Variants in APBA3 observed in about 807,000 individuals in gnomAD.
APBA3 encodes amyloid-beta A4 precursor protein-binding family A member 3.
APBA3 carries 45 observed loss-of-function variants against 55.9 expected under a neutral mutation model. The ratio of observed to expected loss-of-function variants is 0.80; its 90% CI spans 0.63 to 1.03. The LOEUF (loss-of-function observed/expected upper bound fraction) is 1.03. APBA3 is among the 50% of genes least tolerant of loss of function. The pLI is 0.00. For missense variants in APBA3, 865 were observed against 820.3 expected (o/e 1.05, Z -0.67); for synonymous variants, 370 against 353.3 (o/e 1.05, Z -0.53).
At chr19:3,760,601 T>C (rs983906733) in intron 1 of APBA3, among the ~76,000 whole-genome samples, 1 of 151,906 alleles carries the variant, frequency 6.6e-6, no homozygotes, top group Non-Finnish European at 1.5e-5. Context: ...TACAAAAAAT[T>C]AGCCAGGTGT....
At position 3,759,740 on chromosome 19, in the gene APBA3, C is replaced by T; in HGVS notation, c.525G>A (p.Trp175Ter). The change falls in exon 2 of 11, where the codon TGG (tryptophan) becomes TGA (stop). Residue 175 changes from tryptophan (W) to a stop codon, truncating the protein, a stop_gained. Transcript: ENST00000316757. LOFTEE classifies it high-confidence loss of function. ...GTGTGACTAGAGGCACCGTCTCCAG[C>T]CAGGGTTCCGGGGAACTGCTTGAGC... The part of the protein sequence containing the change: ...SRSSSSSPEP[W>*]LETVPLVTPE... The T allele has an allele frequency of 6.2e-7, 1 of 1,612,688 alleles. No homozygotes were observed. The highest frequency in any genetic ancestry group is 8.5e-7 in the Non-Finnish European group (1 of 1,179,842).
At chr19:3,757,350 TC>T (rs2037089971) in intron 3 of APBA3, among the ~76,000 whole-genome samples, 1 of 152,086 alleles carries the variant, frequency 6.6e-6, no homozygotes, top group South Asian at 2.1e-4. Flanking sequence ...CAAGCGATCC[TC>T]CCACATCAGC....
intron 3 of APBA3, among the ~76,000 whole-genome samples, chr19:3,757,259 G>A (rs1295300790): frequency 3.3e-5 from 5 of 151,864 alleles, no homozygotes; most frequent in Non-Finnish European, 7.4e-5. Flanking sequence ...CCACGTGCCT[G>A]GCTAATTTTG....
At position 3,760,227 on chromosome 19, in the gene APBA3, G is replaced by A; in HGVS notation, c.38C>T (p.Pro13Leu). Residue 13 changes from proline to leucine, a missense_variant, in exon 2 of 11, where the codon CCT becomes CTT. Physicochemically the swap from Pro to Leu is moderately conservative, Grantham distance 98. Transcript: ENST00000316757. The stretch of plus-strand genomic sequence containing the variant: ...GGGCCCCTCCAAGTCCATGGCTGGA[G>A]GCCCCGAAGGGGATCGGGAAATTGT... ...FPTISRSPSG[P>L]PAMDLEGPRD... 1.2e-6 allele frequency: 2 copies of A among 1,608,064 alleles called. No individual in the cohort carries two copies. Among genetic ancestry groups the A allele is most frequent in the Non-Finnish European group, 1.7e-6 (2 of 1,179,284 alleles).
chr19:3,754,436 G>A, intron 3 of APBA3, 96 bp from the exon 4 acceptor site: 1 of 1,463,364 alleles, frequency 6.8e-7, no homozygotes, highest in Middle Eastern at 2.5e-4. Flanking sequence ...GAGACACAGT[G>A]TTCTAGCTGG....
At position 3,759,859 on chromosome 19, in the gene APBA3, G is replaced by C. The variant is rs774002047; in HGVS notation, c.406C>G (p.Pro136Ala). Residue 136 changes from proline to alanine, a missense_variant, in exon 2 of 11, where the codon CCC (proline) becomes GCC (alanine). By Grantham distance (27) the Pro-to-Ala change is conservative. Transcript: ENST00000316757. ...TGPEEPLEPA[P>A]RLLQPPEDPD... ...TCCTCAGGGGGCTGCAACAGTCGGG[G>C]GGCAGGCTCTAGAGGCTCTTCAGGA... is the stretch of plus-strand genomic sequence containing the variant. The C allele has an allele frequency of 1.3e-5, 21 of 1,612,558 alleles. 1 individual carries two copies. In the Admixed American group the frequency reaches 3.2e-4, roughly 24 times the overall value.
intron 8 of APBA3, 50 bp from the exon 9 acceptor site, chr19:3,751,603 G>A (rs565806902): frequency 2.6e-6 from 4 of 1,540,008 alleles, no homozygotes; most frequent in Non-Finnish European, 3.5e-6. Flanking sequence ...CAGCCTGGCA[G>A]GTTGTAGCCC....
intron 8 of APBA3, 105 bp from the exon 9 acceptor site, chr19:3,751,658 T>C: frequency 7.7e-7 from 1 of 1,306,002 alleles, no homozygotes; most frequent in Non-Finnish European, 1.0e-6. Context: ...AGACCTGGAG[T>C]CCAGGGGCTC....
rs527759481 is a variant in APBA3, at chr19:3,752,256, G to A, written c.1395+252C>T. On this transcript the variant is annotated intron_variant, in intron 8 of 10. Transcript: ENST00000316757. ...AATTAGCTGTTTCTTGTTAGAGAGAGAGAGTGGCCCAGCCCTGGAGCTGGG... is the reference window on the plus strand; with the variant it reads ...AATTAGCTGTTTCTTGTTAGAGAGAAAGAGTGGCCCAGCCCTGGAGCTGGG... 4.8e-4 allele frequency among the ~76,000 whole-genome samples: 73 copies of A among 152,198 alleles called. No homozygotes were observed. The Middle Eastern group carries it at 0.014, about 28-fold the overall frequency.
chr19:3,755,828 G>GC (rs1176136924), intron 3 of APBA3: 6 of 124,774 alleles, frequency 4.8e-5, no homozygotes, highest in African/African-American at 1.7e-4. Flanking sequence ...AAAAAAAAAA[G>GC]CTTTACTCTC....
chr19:3,761,612 G>C lies in APBA3; in HGVS notation c.-114C>G, dbSNP rs1398241693. ...CCACGGACGGCCCCGACGTAGCCCG[G>C]GCCGCGTCCCCAGAAGGCGCAGCTC... On this transcript the variant is annotated 5_prime_UTR_variant, in exon 1 of 11. Coordinates refer to ENST00000316757, the MANE Select transcript of APBA3 (RefSeq NM_004886.4). 1 of 152,390 alleles carries C rather than the reference G, an allele frequency of 6.6e-6. No homozygotes were observed. Among genetic ancestry groups the C allele is most frequent in the Non-Finnish European group, 1.5e-5 (1 of 68,174 alleles). 9.4% of individuals were successfully genotyped at this position (152,390 alleles called of 1,614,324 possible). A position where few individuals can be genotyped will look rare whatever the true frequency, so the allele number is the denominator to read the frequency against.
In APBA3 at chr19:3,754,163, G is replaced by A. The variant is rs527680633; in HGVS notation, c.762+32C>T. On this transcript the variant is annotated intron_variant, in intron 4 of 10. Coordinates refer to ENST00000316757, the MANE Select transcript of APBA3 (RefSeq NM_004886.4). Reference sequence around the variant, plus strand: ...CACAGACCCAGCCTGCAGCCCACCCGCCTGCCCGCCCGGCCCCGGCCGCCC... The same window carrying A: ...CACAGACCCAGCCTGCAGCCCACCCACCTGCCCGCCCGGCCCCGGCCGCCC... The A allele has an allele frequency of 4.7e-5, 73 of 1,546,120 alleles. No homozygotes were observed. In the South Asian group the frequency reaches 7.6e-4, roughly 16 times the overall value.
In APBA3 at chr19:3,754,277, C is replaced by T. The variant is rs1367658383; in HGVS notation, c.680G>A (p.Gly227Glu). Residue 227 changes from glycine (G) to glutamate (E), a missense_variant, in exon 4 of 11, where the codon GGG (glycine) becomes GAG (glutamate). Coordinates refer to ENST00000316757, the MANE Select transcript of APBA3 (RefSeq NM_004886.4). ...DGVIFGARYLGSTQLVSERNP... is the reference protein window; with the variant it reads ...DGVIFGARYLESTQLVSERNP... ...CCGTTCCGACACCAGCTGGGTGGAC[C>T]CCAGGTACCTGGCCCCAAATATGAC... The T allele has an allele frequency of 6.4e-7, 1 of 1,550,798 alleles. No individual in the cohort carries two copies. Among genetic ancestry groups the T allele is most frequent in the Non-Finnish European group, 8.7e-7 (1 of 1,148,260 alleles).
rs746260082 is a variant in APBA3 at position 3,754,309 on chromosome 19, CAGG to C, written c.645_647del (p.Leu216del). On this transcript the variant is annotated inframe_deletion, in exon 4 of 11. Transcript: ENST00000316757. ...ACCTGGCCCCAAATATGACACCGTC[CAGG>C]AGGTCTTCATGGTCACAGGGACCAG... is the stretch of plus-strand genomic sequence containing the variant. 8.3e-6 allele frequency: 13 copies of C among 1,558,552 alleles called. 1 individual carries two copies. In the Admixed American group the frequency reaches 2.2e-4, roughly 26 times the overall value.
In APBA3 at chr19:3,751,188, C is replaced by G; in HGVS notation, c.1656+1G>C. 8 of 1,552,362 alleles carry G rather than the reference C, an allele frequency of 5.2e-6. No individual in the cohort carries two copies. Among genetic ancestry groups the G allele is most frequent in the Non-Finnish European group, 7.0e-6 (8 of 1,148,560 alleles). On this transcript the variant is annotated splice_donor_variant, in intron 10 of 10. Coordinates refer to ENST00000316757, the MANE Select transcript of APBA3 (RefSeq NM_004886.4). LOFTEE classifies it high-confidence loss of function. ...CTGGCCACCACCCACCACCCGCACA[C>G]CTCGCCATAGGCCTCGGTGAGCAGC...
At chr19:3,751,881 G>A (rs928750781) in intron 8 of APBA3, 1 of 328,156 alleles carries the variant, frequency 3.0e-6, no homozygotes, top group Non-Finnish European at 5.6e-6. Context: ...CTATCTCTGG[G>A]CCTCAGTTTC....
intron 3 of APBA3, chr19:3,754,576 G>C: frequency 1.9e-6 from 1 of 516,582 alleles, no homozygotes; most frequent in Non-Finnish European, 3.3e-6. Flanking sequence ...AGTGAGTCCA[G>C]GCCATGGCTG....
In APBA3 at chr19:3,759,254, A is replaced by G. The variant is rs535373685; in HGVS notation, c.616+307T>C. ...TAAAGAAGCCCCAAACGCAAAAACC[A>G]TCTTTAACTCGAGACCTACGTGAGC... On this transcript the variant is annotated intron_variant, in intron 3 of 10. Transcript: ENST00000316757. Among the ~76,000 whole-genome samples, 7 of 152,236 alleles carry G rather than the reference A, an allele frequency of 4.6e-5. No individual in the cohort carries two copies. The East Asian group carries it at 5.8e-4, about 13-fold the overall frequency.
Position 3,752,782 on chromosome 19 carries a change from G to A in APBA3, c.1182+38C>T, listed in dbSNP as rs377570163. ...GGCCCGGTGCAGGTGCACGGGTGTG[G>A]GGGGCACCAGGTGGGGGCTGCCCAG... On this transcript the variant is annotated intron_variant, in intron 7 of 10. Transcript: ENST00000316757. 2.5e-5 allele frequency: 40 copies of A among 1,610,012 alleles called. 1 individual carries two copies. The Middle Eastern group carries it at 4.9e-4, about 20-fold the overall frequency.
Sources: gnomAD v4.1 joint callset for allele counts (sites outside exome capture counted in the v4.1 genomes callset) on GRCh38, gnomAD v4.1.1 for gene constraint, MANE v1.5 for transcripts, NCBI Gene and HGNC (gene_info 2026-07-23, HGNC 2026-07-21) for gene names.